PARD3B: variants seen among roughly 807,000 people sequenced by gnomAD.
PARD3B encodes the protein par-3 family cell polarity regulator beta.
Under a neutral mutation model 130.2 loss-of-function variants are expected in PARD3B, and 103 were observed. That is an observed-to-expected ratio of 0.79 (90% CI 0.67 to 0.93). The LOEUF (loss-of-function observed/expected upper bound fraction) is 0.93. Ranked by LOEUF, PARD3B falls within the 40% of genes least tolerant of loss-of-function variation. The probability of loss-of-function intolerance (pLI) is 0.00; values close to 1 mark genes in which losing one functional copy is unlikely to be tolerated. For synonymous variants in PARD3B, 583 were observed against 553.2 expected (o/e 1.05, Z -0.76); for missense variants, 1,609 against 1,499.2 (o/e 1.07, Z -1.21).
Position 205,121,984 on chromosome 2 carries a change from A to G in PARD3B, c.1165+35A>G, listed in dbSNP as rs1283922488. The stretch of plus-strand genomic sequence containing the variant: ...AAATTATGCCTAATAGCATTCTATT[A>G]TTGTAACATGTAAAATTGGTTAAGA... On this transcript the variant is annotated intron_variant, in intron 8 of 22. Coordinates refer to ENST00000406610, the MANE Select transcript of PARD3B (RefSeq NM_001302769.2). The surrounding 1 kb of genome is among the most constrained non-coding windows in gnomAD (Gnocchi z 5.0). 3 of 1,510,604 alleles carry G rather than the reference A, an allele frequency of 2.0e-6. No individual in the cohort carries two copies. The Admixed American group carries it at 5.7e-5, about 29-fold the overall frequency. The allele number at this position is 1,510,604 out of a possible 1,614,324, so 93.6% of individuals were successfully genotyped here.
intron 21 of PARD3B, among the ~76,000 whole-genome samples, chr2:205,523,225 G>GTGTA (rs1553536839): frequency 4.5e-4 from 65 of 142,960 alleles, no homozygotes; most frequent in Admixed American, 6.4e-4. Context: ...GTGTGTGTGT[G>GTGTA]TATATATATA....
intron 3 of PARD3B, among the ~76,000 whole-genome samples, chr2:205,023,300 C>T (rs895971611): frequency 3.9e-5 from 6 of 152,062 alleles, no homozygotes; most frequent in African/African-American, 9.7e-5. Context: ...AGCACAATGT[C>T]GATTAAAATA....
intron 15 of PARD3B, among the ~76,000 whole-genome samples, chr2:205,239,500 G>C (rs2039255133): frequency 6.6e-6 from 1 of 152,138 alleles, no homozygotes; most frequent in African/African-American, 2.4e-5. Context: ...GTACTGAATG[G>C]ATTAAAACAA....
intron 2 of PARD3B, among the ~76,000 whole-genome samples, chr2:204,737,604 T>C (rs2039814438): frequency 6.6e-6 from 1 of 152,192 alleles, no homozygotes; most frequent in Admixed American, 6.5e-5. Flanking sequence ...ATTTATTTGT[T>C]TTTGTTGCAT....
At chr2:204,764,719 T>TGTGTGTGTGTGTGTGC (rs1360350180) in intron 2 of PARD3B, among the ~76,000 whole-genome samples, 2 of 151,188 alleles carry the variant, frequency 1.3e-5, no homozygotes, top group Non-Finnish European at 3.0e-5. Flanking sequence ...TGCATGCGTG[T>TGTGTGTGTGTGTGTGC]GTGTGTGTGT....
intron 6 of PARD3B, among the ~76,000 whole-genome samples, chr2:205,114,971 A>C (rs376137033): frequency 4.6e-5 from 7 of 152,152 alleles, no homozygotes; most frequent in Admixed American, 1.3e-4. Flanking sequence ...GAGAAATTCT[A>C]ATGACTTTTG....
rs143562237 is a variant in PARD3B, at chr2:205,110,638, T to TG, written c.594-2853_594-2852insG. ...ACAGTTTATTTTCTGTTTTTTGTTT[T>TG]TTGTTTTTTTTGTAAGTGGCTGTCA... is the stretch of plus-strand genomic sequence containing the variant. On this transcript the variant is annotated intron_variant, in intron 5 of 22. Transcript: ENST00000406610. Among the ~76,000 whole-genome samples, 703 of 126,554 alleles carry TG rather than the reference T, an allele frequency of 5.6e-3. 9 individuals are homozygous for TG. Among genetic ancestry groups the TG allele is most frequent in the African/African-American group, 0.018 (663 of 37,726 alleles). The allele number at this position is 126,554 out of a possible 152,430, so 83.0% of individuals were successfully genotyped here. A position where few individuals can be genotyped will look rare whatever the true frequency, so the allele number is the denominator to read the frequency against.
rs112437097 is a variant in PARD3B at position 205,262,848 on chromosome 2, A to T, written c.2185+17026A>T. Among the ~76,000 whole-genome samples, 498 of 152,246 alleles carry T rather than the reference A, an allele frequency of 3.3e-3. 4 individuals carry two copies. Among genetic ancestry groups the T allele is most frequent in the Admixed American group, 6.6e-3 (101 of 15,266 alleles). ...GGGTCCATTTATTGCTTTACATTTT[A>T]TTCTCAGGTGCTGACAAATAATTTT... is the stretch of plus-strand genomic sequence containing the variant. On this transcript the variant is annotated intron_variant, in intron 16 of 22. Coordinates refer to ENST00000406610, the MANE Select transcript of PARD3B (RefSeq NM_001302769.2).
intron 1 of PARD3B, among the ~76,000 whole-genome samples, chr2:204,567,562 T>C (rs78109975): frequency 0.032 from 4,826 of 152,318 alleles, 208 homozygotes; most frequent in East Asian, 0.14. Context: ...TTATCAAGGT[T>C]AAAGAATATT....
At chr2:204,603,948 T>C (rs2033612549) in intron 1 of PARD3B, among the ~76,000 whole-genome samples, 1 of 152,146 alleles carries the variant, frequency 6.6e-6, no homozygotes, top group South Asian at 2.1e-4. Flanking sequence ...TCTAAATCCT[T>C]GGGTAATTTT....
rs10707308 is a variant in PARD3B, at chr2:205,249,006, G to GTTTTTTTTTTTT, written c.2185+3194_2185+3205dup. On this transcript the variant is annotated intron_variant, in intron 16 of 22. Transcript: ENST00000406610. The stretch of plus-strand genomic sequence containing the variant: ...TCAGAATATTTAGGTTAAAATAAGA[G>GTTTTTTTTTTTT]TTTTTTTTTTTTTTTTTTTTTGAGA... Among the ~76,000 whole-genome samples the GTTTTTTTTTTTT allele has an allele frequency of 3.2e-4, 30 of 95,084 alleles. 1 individual carries two copies. Among genetic ancestry groups the GTTTTTTTTTTTT allele is most frequent in the African/African-American group, 1.4e-3 (30 of 21,458 alleles). The allele number at this position is 95,084 out of a possible 152,430, so 62.4% of individuals were successfully genotyped here.
intron 2 of PARD3B, among the ~76,000 whole-genome samples, chr2:204,932,159 T>C: frequency 6.6e-6 from 1 of 152,094 alleles, no homozygotes; most frequent in East Asian, 1.9e-4. Context: ...AATATTTCAG[T>C]ATAGAGGATT....
chr2:205,252,838 A>G lies in PARD3B; in HGVS notation c.2185+7016A>G, dbSNP rs1235095798. Among the ~76,000 whole-genome samples the G allele has an allele frequency of 2.4e-5, 2 of 83,942 alleles. 1 individual carries two copies. The highest frequency in any genetic ancestry group is 3.5e-4 in the Admixed American group (2 of 5,712). 55.1% of individuals were successfully genotyped at this position (83,942 alleles called of 152,430 possible). On this transcript the variant is annotated intron_variant, in intron 16 of 22. Transcript: ENST00000406610. Reference sequence around the variant, plus strand: ...CTTTTGGTTGTAGGAACCTGAAGGGACCCCCCCCCCCCACCAAAAAAAAAA... The same window carrying G: ...CTTTTGGTTGTAGGAACCTGAAGGGGCCCCCCCCCCCCACCAAAAAAAAAA...
chr2:205,312,558 C>G (rs1342619460), intron 18 of PARD3B, among the ~76,000 whole-genome samples: 1 of 152,148 alleles, frequency 6.6e-6, no homozygotes, highest in Non-Finnish European at 1.5e-5. Context: ...CCATTGTTCT[C>G]CATGGTTATC....
In PARD3B at chr2:205,530,046, C is replaced by A. The variant is rs879568939; in HGVS notation, c.3181-23278C>A. Among the ~76,000 whole-genome samples the A allele has an allele frequency of 6.6e-6, 1 of 152,140 alleles. No homozygotes were observed. The highest frequency in any genetic ancestry group is 1.5e-5 in the Non-Finnish European group (1 of 68,028). On this transcript the variant is annotated intron_variant, in intron 21 of 22. Transcript: ENST00000406610. The surrounding 1 kb of genome is among the most constrained non-coding windows in gnomAD (Gnocchi z 4.7). ...GCAGGCAAAGAAAGGTGCCACCCAA[C>A]AATGCTGTGAAGAGTAAGAAATGCT...
intron 4 of PARD3B, among the ~76,000 whole-genome samples, chr2:205,068,724 C>T (rs909634525): frequency 6.6e-6 from 1 of 152,054 alleles, no homozygotes; most frequent in Non-Finnish European, 1.5e-5. Context: ...ATTTTTGATG[C>T]ACAATATTTT....
chr2:204,883,406 T>TATATATATATAATATATATATATAAA (rs1553547300), intron 2 of PARD3B, among the ~76,000 whole-genome samples: 104 of 101,662 alleles, frequency 1.0e-3, no homozygotes, highest in Non-Finnish European at 1.4e-3. Flanking sequence ...ATATATATAT[T>TATATATATATAATATATATATATAAA]ATATATATAT....
At chr2:205,320,992 C>G (rs2042734458) in intron 18 of PARD3B, among the ~76,000 whole-genome samples, 1 of 152,206 alleles carries the variant, frequency 6.6e-6, no homozygotes, top group East Asian at 1.9e-4. Flanking sequence ...AAAGCATTCT[C>G]TTACTAGTGT....
chr2:204,595,140 T>G (rs2033231161), intron 1 of PARD3B, among the ~76,000 whole-genome samples: 1 of 152,178 alleles, frequency 6.6e-6, no homozygotes, highest in African/African-American at 2.4e-5. Flanking sequence ...CCATGAAGGT[T>G]TCTTTGTTTC....
Sources: allele counts gnomAD v4.1 joint callset (sites outside exome capture counted in the v4.1 genomes callset), GRCh38; gene constraint gnomAD v4.1.1; non-coding constraint Gnocchi (gnomAD v3.1); transcripts MANE v1.5; gene names NCBI Gene and HGNC (gene_info 2026-07-23, HGNC 2026-07-21).